CSMD1: variants seen among roughly 807,000 people sequenced by gnomAD.
The protein encoded by CSMD1 is CUB and Sushi multiple domains 1.
Under a neutral mutation model 417.5 loss-of-function variants are expected in CSMD1, and 213 were observed. The observed-to-expected ratio is 0.51, with a 90% CI of 0.46 to 0.57. The LOEUF (loss-of-function observed/expected upper bound fraction) is 0.57, where lower values mean the gene tolerates loss of function less well. CSMD1 is among the 20% of genes least tolerant of loss of function. The probability of loss-of-function intolerance (pLI) is 0.00; values close to 1 mark genes in which losing one functional copy is unlikely to be tolerated. For missense variants in CSMD1, 6,923 were observed against 4,529.7 expected (o/e 1.53, Z -15.17); for synonymous variants, 2,862 against 1,736.8 (o/e 1.65, Z -16.11).
intron 1 of CSMD1, among the ~76,000 whole-genome samples, chr8:4,990,066 A>G (rs1811380891): frequency 6.6e-6 from 1 of 152,190 alleles, no homozygotes; most frequent in African/African-American, 2.4e-5. Flanking sequence ...GGCCTCTGCC[A>G]GTGAGATGCT....
intron 10 of CSMD1, among the ~76,000 whole-genome samples, chr8:3,569,140 C>T (rs1256241263): frequency 6.6e-6 from 1 of 152,140 alleles, no homozygotes; most frequent in African/African-American, 2.4e-5. Context: ...AAAAATCTGC[C>T]TCTCCACTAA....
intron 10 of CSMD1, among the ~76,000 whole-genome samples, chr8:3,554,793 G>T (rs1316191859): frequency 6.6e-6 from 1 of 152,158 alleles, no homozygotes. Flanking sequence ...AAGCAGAAGA[G>T]ATTTCAACAG....
chr8:4,598,176 T>C (rs986832355), intron 2 of CSMD1, among the ~76,000 whole-genome samples: 5 of 152,184 alleles, frequency 3.3e-5, no homozygotes, highest in South Asian at 2.1e-4. Context: ...ATAAAGCTTT[T>C]GTAAAACGGA....
In CSMD1 at chr8:4,409,642, C is replaced by T. The variant is rs200949888; in HGVS notation, c.415+10311G>A. ...GATTCATCATTATTTGACTTTTTTTCTTTTTTTTTTTTTTTTTTTTAACAC... is the reference window on the plus strand; with the variant it reads ...GATTCATCATTATTTGACTTTTTTTTTTTTTTTTTTTTTTTTTTTTAACAC... On this transcript the variant is annotated intron_variant, in intron 3 of 69. Coordinates refer to ENST00000635120, the MANE Select transcript of CSMD1 (RefSeq NM_033225.6). Among the ~76,000 whole-genome samples the T allele has an allele frequency of 6.0e-3, 844 of 141,816 alleles. 27 individuals carry two copies. The East Asian group carries it at 0.081, about 14-fold the overall frequency. The allele number at this position is 141,816 out of a possible 152,430, so 93.0% of individuals were successfully genotyped here. A position where few individuals can be genotyped will look rare whatever the true frequency, so the allele number is the denominator to read the frequency against.
At chr8:3,401,308 C>T (rs1812025713) in intron 15 of CSMD1, among the ~76,000 whole-genome samples, 2 of 151,964 alleles carry the variant, frequency 1.3e-5, no homozygotes, top group South Asian at 4.1e-4. Flanking sequence ...CAAAAGTTTC[C>T]TTTACTTTAG....
intron 8 of CSMD1, among the ~76,000 whole-genome samples, chr8:3,597,778 T>C (rs185456171): frequency 4.0e-5 from 6 of 151,560 alleles, no homozygotes; most frequent in African/African-American, 1.5e-4. Flanking sequence ...TAAGTGGGAG[T>C]TGAACAATGA....
chr8:3,680,433 C>A lies in CSMD1; in HGVS notation c.1009+27981G>T, dbSNP rs186254967. ...CCTCTACGCAAATGAACTAGAAAAT[C>A]TACAAGAAACAGAGAAATTCCTTGA... On this transcript the variant is annotated intron_variant, in intron 7 of 69. Coordinates refer to ENST00000635120, the MANE Select transcript of CSMD1 (RefSeq NM_033225.6). 5.7e-3 allele frequency among the ~76,000 whole-genome samples: 874 copies of A among 152,286 alleles called. 8 individuals carry two copies. Among genetic ancestry groups the A allele is most frequent in the Middle Eastern group, 0.048 (14 of 294 alleles).
In CSMD1 at chr8:3,219,297, C is replaced by A; in HGVS notation, c.4630G>T (p.Asp1544Tyr). 6.3e-7 allele frequency: 1 copy of A among 1,594,126 alleles called. No homozygotes were observed. Among genetic ancestry groups the A allele is most frequent in the Non-Finnish European group, 8.6e-7 (1 of 1,169,406 alleles). Reference sequence around the variant, plus strand: ...AACCCTGAAAGGCCCACGGAGGCATCACTCCGAAATGCCAGAAACAGGCTG... The same window carrying A: ...AACCCTGAAAGGCCCACGGAGGCATAACTCCGAAATGCCAGAAACAGGCTG... ...GNSLFLAFRS[D>Y]ASVGLSGFAI... is the part of the protein sequence containing the mutation. The change falls in exon 29 of 70, where the codon GAT becomes TAT. Residue 1544 changes from aspartate to tyrosine, a missense_variant. Physicochemically the swap from Asp to Tyr is radical, Grantham distance 160 (BLOSUM62 -3). Transcript: ENST00000635120.
chr8:3,372,555 C>T (rs995720545), intron 18 of CSMD1, among the ~76,000 whole-genome samples: 12 of 151,934 alleles, frequency 7.9e-5, no homozygotes, highest in African/African-American at 2.7e-4. Context: ...AAGGTAGAGC[C>T]GGTGGGACTT....
intron 5 of CSMD1, among the ~76,000 whole-genome samples, chr8:3,918,571 T>C (rs558004276): frequency 6.6e-6 from 1 of 152,192 alleles, no homozygotes; most frequent in Non-Finnish European, 1.5e-5. Flanking sequence ...ATTTCTTATA[T>C]ATTTTGGACA....
intron 1 of CSMD1, among the ~76,000 whole-genome samples, chr8:4,990,526 G>T (rs1811406848): frequency 6.6e-6 from 1 of 152,148 alleles, no homozygotes; most frequent in Non-Finnish European, 1.5e-5. Flanking sequence ...ACCACGCCCA[G>T]CTAATTTCGT....
chr8:4,787,383 A>C, intron 1 of CSMD1: 1 of 734,226 alleles, frequency 1.4e-6, no homozygotes, highest in Non-Finnish European at 2.5e-6. Flanking sequence ...TGAGGGTAAA[A>C]CAAAAGAAGT....
intron 5 of CSMD1, among the ~76,000 whole-genome samples, chr8:3,900,556 C>A (rs1008262750): frequency 6.6e-6 from 1 of 150,826 alleles, no homozygotes; most frequent in Non-Finnish European, 1.5e-5. Context: ...GGTGACAGTG[C>A]AGATGGGTGA....
At chr8:4,505,903 A>G (rs1161158320) in intron 2 of CSMD1, among the ~76,000 whole-genome samples, 2 of 151,886 alleles carry the variant, frequency 1.3e-5, no homozygotes, top group African/African-American at 2.4e-5. Flanking sequence ...GGTTCAAGCA[A>G]TTCTCATGCC....
At chr8:3,620,577 C>T (rs1214904857) in intron 7 of CSMD1, among the ~76,000 whole-genome samples, 2 of 152,062 alleles carry the variant, frequency 1.3e-5, no homozygotes, top group Non-Finnish European at 2.9e-5. Context: ...ATGAAGTAAA[C>T]TGGTGTCAAT....
chr8:4,199,162 C>T (rs529242240), intron 3 of CSMD1, among the ~76,000 whole-genome samples: 104 of 152,284 alleles, frequency 6.8e-4, no homozygotes, highest in African/African-American at 2.3e-3. Context: ...GTATCCAGCA[C>T]AGCACTGGGG....
chr8:4,160,715 G>A (rs866469070), intron 3 of CSMD1, among the ~76,000 whole-genome samples: 1 of 152,200 alleles, frequency 6.6e-6, no homozygotes, highest in African/African-American at 2.4e-5. Context: ...TTGCCTTGTG[G>A]CAAGTTGCAA....
chr8:4,818,199 TCTC>T (rs1206241763), intron 1 of CSMD1, among the ~76,000 whole-genome samples: 1 of 152,124 alleles, frequency 6.6e-6, no homozygotes, highest in Non-Finnish European at 1.5e-5. Context: ...CACCATGAGT[TCTC>T]CTGAGCAAAT....
At chr8:4,198,151 T>C (rs531224855) in intron 3 of CSMD1, among the ~76,000 whole-genome samples, 4 of 152,306 alleles carry the variant, frequency 2.6e-5, no homozygotes, top group African/African-American at 7.2e-5. Flanking sequence ...TAAATGATGA[T>C]CAGCAGTCCC....
Sources: gnomAD v4.1 joint callset for allele counts (sites outside exome capture counted in the v4.1 genomes callset) on GRCh38, gnomAD v4.1.1 for gene constraint, MANE v1.5 for transcripts, NCBI Gene and HGNC (gene_info 2026-07-23, HGNC 2026-07-21) for gene names.